BEGAIN: variants seen among roughly 807,000 people sequenced by gnomAD.
BEGAIN encodes the protein brain enriched guanylate kinase associated.
Under a neutral mutation model 35.8 loss-of-function variants are expected in BEGAIN, and 19 were observed. That is an observed-to-expected ratio of 0.53 (90% CI 0.37 to 0.78). BEGAIN has a LOEUF of 0.78. Ranked by LOEUF, BEGAIN falls within the 30% of genes least tolerant of loss-of-function variation. BEGAIN has a pLI of 0.00. For missense variants in BEGAIN, 795 were observed against 853.6 expected, an observed-to-expected ratio of 0.93 and a Z score of 0.85; for synonymous variants, 462 against 388.6, an observed-to-expected ratio of 1.19 and a Z score of -2.22.
chr14:100,546,780 G>T (rs12888030), intron 2 of BEGAIN, 118 bp from the exon 3 acceptor site: 5 of 342,070 alleles, frequency 1.5e-5, no homozygotes, highest in African/African-American at 3.1e-5. Flanking sequence ...GCGCGCGCGC[G>T]CACACACACA....
At chr14:100,551,002 G>A (rs1003402686) in intron 2 of BEGAIN, among the ~76,000 whole-genome samples, 15 of 152,324 alleles carry the variant, frequency 9.8e-5, no homozygotes, top group Admixed American at 7.8e-4. Flanking sequence ...TACTAGCTCT[G>A]CATCTGTCGG....
rs2034455221 is a variant in BEGAIN, at chr14:100,563,584, C to G, written c.71+4327G>C. ...GCCGGTGAGGAAACCCAGCGGGCAGCAAACCAGGGCAGCCCACCCCAACAA... is the reference window on the plus strand; with the variant it reads ...GCCGGTGAGGAAACCCAGCGGGCAGGAAACCAGGGCAGCCCACCCCAACAA... On this transcript the variant is annotated intron_variant, in intron 2 of 6. Transcript: ENST00000554140. This position sits in a 1 kb window ranked among gnomAD's most constrained non-coding sequence, Gnocchi z 4.2. Among the ~76,000 whole-genome samples, 1 of 152,208 alleles carries G rather than the reference C, an allele frequency of 6.6e-6. No individual in the cohort carries two copies. Among genetic ancestry groups the G allele is most frequent in the South Asian group, 2.1e-4 (1 of 4,834 alleles).
At chr14:100,574,518 GTTTT>G (rs34762708) in intron 1 of BEGAIN, among the ~76,000 whole-genome samples, 4 of 137,140 alleles carry the variant, frequency 2.9e-5, no homozygotes, top group African/African-American at 5.4e-5. Flanking sequence ...CTGCACAAAG[GTTTT>G]TTTTTTTTTT....
chr14:100,561,672 A>G (rs2034266947), intron 2 of BEGAIN, among the ~76,000 whole-genome samples: 1 of 151,856 alleles, frequency 6.6e-6, no homozygotes, highest in Non-Finnish European at 1.5e-5. Flanking sequence ...GGATTGCTTG[A>G]GCCCTGGACT....
chr14:100,577,869 G>A (rs1042888144), intron 1 of BEGAIN: 2 of 399,162 alleles, frequency 5.0e-6, no homozygotes, highest in South Asian at 2.5e-4. Context: ...CTTCTGTCCC[G>A]GGCTCCAGGA....
At chr14:100,562,908 G>A (rs1463226316) in intron 2 of BEGAIN, among the ~76,000 whole-genome samples, 4 of 152,134 alleles carry the variant, frequency 2.6e-5, no homozygotes, top group South Asian at 2.1e-4. Context: ...CGTCCTCAGC[G>A]CCGACAGCAG....
At chr14:100,578,791 G>A (rs1008270506) in intron 1 of BEGAIN, among the ~76,000 whole-genome samples, 8 of 151,744 alleles carry the variant, frequency 5.3e-5, no homozygotes, top group Non-Finnish European at 1.0e-4. Context: ...AAGACAAAAG[G>A]AATCCGGATA....
rs1409493624 is a variant in BEGAIN, at chr14:100,537,926, G to C, written c.*43C>G. 5.8e-6 allele frequency: 9 copies of C among 1,559,558 alleles called. No homozygotes were observed. Among genetic ancestry groups the C allele is most frequent in the Non-Finnish European group, 6.9e-6 (8 of 1,153,420 alleles). On this transcript the variant is annotated 3_prime_UTR_variant, in exon 7 of 7. Transcript: ENST00000554140. ...GAGGCCGGCCCTTCTGGGGCACGTG[G>C]GCTGGCGGGGAGCGAACCACGGCCA... is the stretch of plus-strand genomic sequence containing the variant.
Position 100,586,423 on chromosome 14 carries a change from A to G in BEGAIN, c.42+826T>C, listed in dbSNP as rs553931621. ...CATCCGGCCCCGCTCCCGGGTGCCC[A>G]CTCTGCTCCCATTCTGCCGGCTCAG... is the stretch of plus-strand genomic sequence containing the variant. On this transcript the variant is annotated intron_variant, in intron 1 of 6. Transcript: ENST00000554140. This position sits in a 1 kb window ranked among gnomAD's most constrained non-coding sequence, Gnocchi z 4.9. Among the ~76,000 whole-genome samples the G allele has an allele frequency of 2.0e-5, 3 of 151,944 alleles. No homozygotes were observed. Among genetic ancestry groups the G allele is most frequent in the African/African-American group, 7.2e-5 (3 of 41,452 alleles).
At chr14:100,555,768 A>G (rs919790843) in intron 2 of BEGAIN, among the ~76,000 whole-genome samples, 1 of 152,162 alleles carries the variant, frequency 6.6e-6, no homozygotes, top group Non-Finnish European at 1.5e-5. Flanking sequence ...TAGAGGGTCG[A>G]CCACGGTGGC....
intron 2 of BEGAIN, among the ~76,000 whole-genome samples, chr14:100,552,051 C>T (rs79310450): frequency 0.013 from 2,000 of 152,270 alleles, 30 homozygotes; most frequent in African/African-American, 0.046. Context: ...CCAAGGCCAG[C>T]GATTCCCATG....
chr14:100,577,942 CCT>C (rs1193248745), intron 1 of BEGAIN: 12 of 399,132 alleles, frequency 3.0e-5, no homozygotes, highest in South Asian at 1.3e-4. Context: ...GGAGCTGGCC[CCT>C]GAGAGCATCC....
At chr14:100,575,256 GCATTCT>G (rs1346560421) in intron 1 of BEGAIN, among the ~76,000 whole-genome samples, 1 of 152,192 alleles carries the variant, frequency 6.6e-6, no homozygotes, top group African/African-American at 2.4e-5. Flanking sequence ...CCTCCAGAAA[GCATTCT>G]GGGGACACAG....
At chr14:100,545,868 C>T (rs1269760104) in intron 3 of BEGAIN, among the ~76,000 whole-genome samples, 1 of 152,214 alleles carries the variant, frequency 6.6e-6, no homozygotes, top group Non-Finnish European at 1.5e-5. Context: ...CCAGCCGATT[C>T]TCTACAAATA....
chr14:100,543,456 C>T (rs2031940379), intron 5 of BEGAIN, among the ~76,000 whole-genome samples: 1 of 152,176 alleles, frequency 6.6e-6, no homozygotes, highest in Non-Finnish European at 1.5e-5. Flanking sequence ...AAATTAGGCC[C>T]CATGGGCAGC....
intron 5 of BEGAIN, among the ~76,000 whole-genome samples, chr14:100,541,849 G>A (rs867424639): frequency 2.6e-5 from 4 of 152,318 alleles, no homozygotes; most frequent in Admixed American, 6.5e-5. Flanking sequence ...CTGCTGGCTC[G>A]GGGAGGAAAT....
chr14:100,547,532 T>TG (rs2032689411), intron 2 of BEGAIN: 1 of 152,256 alleles, frequency 6.6e-6, no homozygotes, highest in Non-Finnish European at 1.5e-5. Context: ...GAGGGTAGTG[T>TG]GGGGGCCTCC....
rs1476205326 is a variant in BEGAIN at position 100,538,394 on chromosome 14, C to T, written c.1414G>A (p.Gly472Arg). 3 of 1,530,154 alleles carry T rather than the reference C, an allele frequency of 2.0e-6. No individual in the cohort carries two copies. Among genetic ancestry groups the T allele is most frequent in the Non-Finnish European group, 1.7e-6 (2 of 1,144,928 alleles). The allele number at this position is 1,530,154 out of a possible 1,614,324, so 94.8% of individuals were successfully genotyped here. A position where few individuals can be genotyped will look rare whatever the true frequency, so the allele number is the denominator to read the frequency against. The change falls in exon 7 of 7, where the codon GGG becomes AGG. Residue 472 changes from glycine to arginine, a missense_variant. By Grantham distance (125) the Gly-to-Arg change is moderately radical. Around this residue, in one of 3 missense-constraint regions of BEGAIN, gnomAD observed 664 missense variants for 647.7 expected, o/e 1.03. Transcript: ENST00000554140. ...TCGGCCTTCTTGCCCGGGCTGCCCC[C>T]GGCCCCGCCGTAGTAGCGTTCAGAG... ...SFSERYYGGA[G>R]GSPGKKADGR...
At chr14:100,583,632 CTCTT>C (rs113746273) in intron 1 of BEGAIN, among the ~76,000 whole-genome samples, 4,505 of 141,044 alleles carry the variant, frequency 0.032, 264 homozygotes, top group African/African-American at 0.11. Flanking sequence ...CCCTCTTTCT[CTCTT>C]TCTTTCTTTC....
Sources: gnomAD v4.1 joint callset for allele counts (sites outside exome capture counted in the v4.1 genomes callset) on GRCh38, gnomAD v4.1.1 for gene constraint, gnomAD v4.1.1 regional missense constraint, Gnocchi (gnomAD v3.1) non-coding constraint, MANE v1.5 for transcripts, NCBI Gene and HGNC (gene_info 2026-07-23, HGNC 2026-07-21) for gene names.